LRR1: variants seen among roughly 807,000 people sequenced by gnomAD.
LRR1 encodes the protein leucine rich repeat protein 1.
LRR1 carries 29 observed loss-of-function variants against 31.6 expected under a neutral mutation model. That is an observed-to-expected ratio of 0.92 (90% CI 0.68 to 1.25). The LOEUF (loss-of-function observed/expected upper bound fraction) is 1.25. Ranked by LOEUF, LRR1 falls within the 50% of genes most tolerant of loss-of-function variation. The probability of loss-of-function intolerance (pLI) is 0.00; values close to 1 mark genes in which losing one functional copy is unlikely to be tolerated. For synonymous variants in LRR1, 179 were observed against 181.4 expected (o/e 0.99, Z 0.10); for missense variants, 485 against 487.2 (o/e 1.00, Z 0.04).
chr14:49,606,487 C>CACT, intron 2 of LRR1, among the ~76,000 whole-genome samples: 1 of 151,230 alleles, frequency 6.6e-6, no homozygotes, highest in African/African-American at 2.4e-5. Flanking sequence ...TACAGGCATG[C>CACT]GCCACATTGC....
At chr14:49,599,881 G>C in intron 1 of LRR1, 1 of 607,146 alleles carries the variant, frequency 1.6e-6, no homozygotes. Context: ...GCGGCCCCGC[G>C]GCGTGGAGCG....
intron 3 of LRR1, 39 bp from the exon 4 acceptor site, chr14:49,614,217 T>G: frequency 6.3e-7 from 1 of 1,577,210 alleles, no homozygotes; most frequent in South Asian, 1.1e-5. Flanking sequence ...CTGAATCTAG[T>G]AACATGTTAT....
At chr14:49,608,733 C>G (rs1882391714) in intron 3 of LRR1, among the ~76,000 whole-genome samples, 2 of 151,702 alleles carry the variant, frequency 1.3e-5, no homozygotes, top group African/African-American at 4.8e-5. Flanking sequence ...CATTCCAGAC[C>G]TACTGAATCA....
At chr14:49,601,858 C>T (rs893107711) in intron 1 of LRR1, among the ~76,000 whole-genome samples, 4 of 151,302 alleles carry the variant, frequency 2.6e-5, no homozygotes, top group Admixed American at 6.6e-5. Flanking sequence ...CTTGGCCACG[C>T]GCCGTGGCTC....
intron 2 of LRR1, 78 bp downstream of exon 2, chr14:49,602,546 A>G: frequency 8.1e-7 from 1 of 1,233,372 alleles, no homozygotes; most frequent in Non-Finnish European, 1.2e-6. Flanking sequence ...TTGTTCTGTC[A>G]CCCAAGCTGA....
chr14:49,602,130 A>T, intron 1 of LRR1, among the ~76,000 whole-genome samples: 1 of 145,498 alleles, frequency 6.9e-6, no homozygotes, highest in Non-Finnish European at 1.5e-5. Flanking sequence ...TCTGTCTCAA[A>T]AAAAAACAAC....
intron 3 of LRR1, among the ~76,000 whole-genome samples, chr14:49,609,312 G>C (rs1354608140): frequency 2.2e-5 from 3 of 139,204 alleles, no homozygotes; most frequent in South Asian, 2.2e-4. Context: ...TGCAACTTCT[G>C]CCTCCCAGAC....
At chr14:49,613,111 G>A (rs1049186132) in intron 3 of LRR1, among the ~76,000 whole-genome samples, 7 of 152,038 alleles carry the variant, frequency 4.6e-5, no homozygotes, top group African/African-American at 9.6e-5. Context: ...AGGCCAAGGC[G>A]GACAGATCAC....
At chr14:49,613,927 C>T (rs1392042806) in intron 3 of LRR1, among the ~76,000 whole-genome samples, 1 of 152,190 alleles carries the variant, frequency 6.6e-6, no homozygotes, top group Non-Finnish European at 1.5e-5. Flanking sequence ...TAAAGTAAAA[C>T]TCATGTCCCA....
At position 49,607,993 on chromosome 14, in the gene LRR1, A is replaced by G. The variant is rs1254819762; in HGVS notation, c.876A>G (p.Arg292=). 6.2e-7 allele frequency: 1 copy of G among 1,614,158 alleles called. No individual in the cohort carries two copies. Among genetic ancestry groups the G allele is most frequent in the Admixed American group, 1.7e-5 (1 of 60,006 alleles). The change falls in exon 3 of 4, where the codon AGA becomes AGG. Residue 292 remains arginine (R), a synonymous_variant. Coordinates refer to ENST00000298288, the MANE Select transcript of LRR1 (RefSeq NM_152329.4). ...TTCCATTTTTGCCTAGTGAATTTAG[A>G]AATTTATCCCTTGAATACTTGGATC... ...NKLPFLPSEF[R]NLSLEYLDLF...
chr14:49,602,960 C>T (rs1348707987), intron 2 of LRR1, among the ~76,000 whole-genome samples: 7 of 151,734 alleles, frequency 4.6e-5, no homozygotes, highest in South Asian at 2.1e-4. Flanking sequence ...CTCAGCCTCC[C>T]GAGTAGCTGG....
At position 49,607,563 on chromosome 14, in the gene LRR1, G is replaced by T. The variant is rs149083139; in HGVS notation, c.446G>T (p.Ser149Ile). 6.9e-5 allele frequency: 112 copies of T among 1,614,130 alleles called. No individual in the cohort carries two copies. In the African/African-American group the frequency reaches 1.4e-3, roughly 20 times the overall value. ...ACATCCAAAAAAGACTATCCTCTAA[G>T]TAAGAATTTTCCATATTCCTTGGAA... Reference protein sequence around the residue: ...VITSKKDYPLSKNFPYSLEHL... With the variant: ...VITSKKDYPLIKNFPYSLEHL... The change falls in exon 3 of 4, where the codon AGT becomes ATT. Residue 149 changes from serine (S) to isoleucine (I), a missense_variant. Coordinates refer to ENST00000298288, the MANE Select transcript of LRR1 (RefSeq NM_152329.4).
chr14:49,612,974 C>T (rs1222976525), intron 3 of LRR1, among the ~76,000 whole-genome samples: 2 of 151,972 alleles, frequency 1.3e-5, no homozygotes, highest in East Asian at 1.9e-4. Context: ...CCGAGGTGGG[C>T]GGATCACTTG....
At position 49,608,083 on chromosome 14, in the gene LRR1, T is replaced by C. The variant is rs1299287816; in HGVS notation, c.966T>C (p.Thr322=). 5 of 1,599,912 alleles carry C rather than the reference T, an allele frequency of 3.1e-6. No individual in the cohort carries two copies. In the South Asian group the frequency reaches 5.6e-5, roughly 18 times the overall value. ...LPVIKLQAPL[T]LLESSARTIL... ...TAATAAAGCTGCAAGCACCATTAAC[T>C]TTATTGGAATCTTCTGCACGAACCA... The change falls in exon 3 of 4, where the codon ACT becomes ACC. Residue 322 remains threonine, a synonymous_variant. Coordinates refer to ENST00000298288, the MANE Select transcript of LRR1 (RefSeq NM_152329.4).
chr14:49,609,619 G>A (rs893716442), intron 3 of LRR1, among the ~76,000 whole-genome samples: 3 of 151,748 alleles, frequency 2.0e-5, no homozygotes, highest in African/African-American at 7.3e-5. Flanking sequence ...ATGTTGTCCA[G>A]GCTGGTCTTG....
At chr14:49,603,067 ACTC>A (rs1463865461) in intron 2 of LRR1, among the ~76,000 whole-genome samples, 1 of 150,212 alleles carries the variant, frequency 6.7e-6, no homozygotes, top group Non-Finnish European at 1.5e-5. Flanking sequence ...CTGGTCTTGA[ACTC>A]CTGAACTCAG....
intron 1 of LRR1, chr14:49,600,557 C>G: frequency 1.3e-6 from 2 of 1,571,792 alleles, no homozygotes; most frequent in Non-Finnish European, 1.7e-6. Context: ...CAAAGAAACA[C>G]ACTGTAAAAA....
chr14:49,607,997 T>A lies in LRR1; in HGVS notation c.880T>A (p.Leu294Ile). 6.2e-7 allele frequency: 1 copy of A among 1,614,112 alleles called. No individual in the cohort carries two copies. The highest frequency in any genetic ancestry group is 8.5e-7 in the Non-Finnish European group (1 of 1,180,004). Residue 294 changes from leucine (L) to isoleucine (I), a missense_variant, in exon 3 of 4, where the codon TTA becomes ATA. This residue lies in a region of LRR1 where 210 missense variants were observed against 200.4 expected (regional missense o/e 1.05). Coordinates refer to ENST00000298288, the MANE Select transcript of LRR1 (RefSeq NM_152329.4). ...ATTTTTGCCTAGTGAATTTAGAAAT[T>A]TATCCCTTGAATACTTGGATCTTTT... ...LPFLPSEFRN[L>I]SLEYLDLFGN...
Position 49,614,498 on chromosome 14 carries a change from G to A in LRR1, c.*2G>A, listed in dbSNP as rs1882628136. On this transcript the variant is annotated 3_prime_UTR_variant, in exon 4 of 4. Coordinates refer to ENST00000298288, the MANE Select transcript of LRR1 (RefSeq NM_152329.4). ...AATTCCTCTGATATGTTAAAGTAATGGGTGAGACCAGAAAAAGAAATTTCA... is the reference window on the plus strand; with the variant it reads ...AATTCCTCTGATATGTTAAAGTAATAGGTGAGACCAGAAAAAGAAATTTCA... 1 of 1,613,186 alleles carries A rather than the reference G, an allele frequency of 6.2e-7. No individual in the cohort carries two copies. Among genetic ancestry groups the A allele is most frequent in the South Asian group, 1.1e-5 (1 of 90,918 alleles).
Sources: gnomAD v4.1 joint callset for allele counts (sites outside exome capture counted in the v4.1 genomes callset) on GRCh38, gnomAD v4.1.1 for gene constraint, gnomAD v4.1.1 regional missense constraint, MANE v1.5 for transcripts, NCBI Gene and HGNC (gene_info 2026-07-23, HGNC 2026-07-21) for gene names.